The following MSRB3 variants were observed in gnomAD, a reference collection of about 807,000 sequenced individuals.
The protein encoded by MSRB3 is methionine sulfoxide reductase B3.
A neutral mutation model predicts 21.0 loss-of-function variants in MSRB3; 13 were observed. The observed-to-expected ratio is 0.62, with a 90% confidence interval of 0.40 to 0.98. MSRB3 has a LOEUF of 0.98. Ranked by LOEUF, MSRB3 falls within the 50% of genes least tolerant of loss-of-function variation. MSRB3 has a pLI of 0.00. For missense variants in MSRB3, 199 were observed against 230.3 expected (o/e 0.86, Z 0.88); for synonymous variants, 87 against 88.6 (o/e 0.98, Z 0.10).
intron 4 of MSRB3, among the ~76,000 whole-genome samples, chr12:65,337,781 G>A (rs1044683192): frequency 6.6e-6 from 1 of 152,132 alleles, no homozygotes; most frequent in Admixed American, 6.6e-5. Context: ...ATTTGACACA[G>A]TGATCCATCT....
intron 5 of MSRB3, among the ~76,000 whole-genome samples, chr12:65,384,950 T>C (rs976441398): frequency 4.6e-5 from 7 of 152,170 alleles, no homozygotes; most frequent in African/African-American, 1.7e-4. Context: ...AGTATTAATG[T>C]TGGAGTTTTG....
intron 4 of MSRB3, among the ~76,000 whole-genome samples, chr12:65,333,995 A>G (rs974069251): frequency 2.0e-5 from 3 of 152,208 alleles, no homozygotes; most frequent in African/African-American, 7.2e-5. Context: ...TGGGATTGGA[A>G]AAAGAAGGAA....
At chr12:65,421,046 C>A (rs1233975766) in intron 5 of MSRB3, among the ~76,000 whole-genome samples, 1 of 152,176 alleles carries the variant, frequency 6.6e-6, no homozygotes, top group Non-Finnish European at 1.5e-5. Flanking sequence ...TGCCACACTG[C>A]TTTCCACAAT....
At chr12:65,280,675 C>G (rs934272204) in intron 1 of MSRB3, among the ~76,000 whole-genome samples, 2 of 152,122 alleles carry the variant, frequency 1.3e-5, no homozygotes, top group African/African-American at 4.8e-5. Flanking sequence ...ATAAGTAGCT[C>G]TTTGCTACTT....
At chr12:65,428,711 A>G (rs1881729438) in intron 5 of MSRB3, among the ~76,000 whole-genome samples, 2 of 152,102 alleles carry the variant, frequency 1.3e-5, no homozygotes, top group Non-Finnish European at 1.5e-5. Flanking sequence ...TTTGCATGCA[A>G]TCAAAGGCTT....
chr12:65,357,041 A>G (rs1246912517), intron 4 of MSRB3, among the ~76,000 whole-genome samples: 1 of 151,942 alleles, frequency 6.6e-6, no homozygotes, highest in Non-Finnish European at 1.5e-5. Flanking sequence ...ACGAGAATAA[A>G]CCAGGAATAA....
At chr12:65,283,711 G>A (rs1168909294) in intron 1 of MSRB3, 1 of 152,212 alleles carries the variant, frequency 6.6e-6, no homozygotes, top group Non-Finnish European at 1.5e-5. Flanking sequence ...AGGATTACAG[G>A]CATGAGCCAC....
chr12:65,375,423 G>C (rs1027669087), intron 5 of MSRB3, among the ~76,000 whole-genome samples: 10 of 152,112 alleles, frequency 6.6e-5, no homozygotes, highest in African/African-American at 2.2e-4. Context: ...TTGAGTCCTA[G>C]AGTTTTAATA....
intron 5 of MSRB3, among the ~76,000 whole-genome samples, chr12:65,395,716 T>G (rs1315933084): frequency 6.6e-6 from 1 of 152,210 alleles, no homozygotes; most frequent in East Asian, 1.9e-4. Flanking sequence ...GATTATCTAT[T>G]TCTTCTTGTG....
chr12:65,390,256 T>C (rs891531656), intron 5 of MSRB3, among the ~76,000 whole-genome samples: 1 of 152,062 alleles, frequency 6.6e-6, no homozygotes, highest in Non-Finnish European at 1.5e-5. Flanking sequence ...AAAAAGAAAA[T>C]CAAACAAAAC....
intron 1 of MSRB3, among the ~76,000 whole-genome samples, chr12:65,295,764 T>C (rs1484779569): frequency 1.3e-5 from 2 of 152,154 alleles, no homozygotes; most frequent in East Asian, 3.9e-4. Context: ...AATTATGGAA[T>C]ATAAAATGTT....
intron 4 of MSRB3, among the ~76,000 whole-genome samples, chr12:65,353,396 A>G (rs1877163213): frequency 6.6e-6 from 1 of 152,114 alleles, no homozygotes; most frequent in African/African-American, 2.4e-5. Flanking sequence ...TTGCTTTATG[A>G]ATCTGGGTGC....
At chr12:65,317,350 A>G (rs565900844) in intron 2 of MSRB3, among the ~76,000 whole-genome samples, 85 of 152,296 alleles carry the variant, frequency 5.6e-4, no homozygotes, top group African/African-American at 2.0e-3. Flanking sequence ...TTGTGACAAG[A>G]ATGTATTATA....
intron 6 of MSRB3, among the ~76,000 whole-genome samples, chr12:65,462,250 A>C (rs1377265592): frequency 1.3e-5 from 2 of 152,160 alleles, no homozygotes; most frequent in African/African-American, 4.8e-5. Flanking sequence ...CTGATGGAAA[A>C]GGGCAGTAGA....
intron 1 of MSRB3, among the ~76,000 whole-genome samples, chr12:65,292,442 GTCA>G (rs373202589): frequency 1.2e-4 from 18 of 151,830 alleles, no homozygotes; most frequent in East Asian, 1.9e-4. Context: ...CATTGTCATC[GTCA>G]TCATCATCAT....
chr12:65,343,527 C>T (rs1876279609), intron 4 of MSRB3, among the ~76,000 whole-genome samples: 1 of 151,976 alleles, frequency 6.6e-6, no homozygotes, highest in South Asian at 2.1e-4. Context: ...AACTGTTTAT[C>T]ATGTTTGAAT....
At chr12:65,431,744 A>G (rs1293223210) in intron 5 of MSRB3, among the ~76,000 whole-genome samples, 1 of 152,042 alleles carries the variant, frequency 6.6e-6, no homozygotes, top group Non-Finnish European at 1.5e-5. Flanking sequence ...GATTATTATA[A>G]TACACACTCC....
Position 65,430,121 on chromosome 12 carries a change from G to A in MSRB3, c.293-23607G>A, listed in dbSNP as rs143740914. Among the ~76,000 whole-genome samples the A allele has an allele frequency of 9.8e-4, 149 of 152,092 alleles. 1 individual carries two copies. The highest frequency in any genetic ancestry group is 3.5e-3 in the African/African-American group (144 of 41,502). ...TGAGCACTGAAGGATGTAAGTGCTG[G>A]TTTGAAGAATCTAAAAGGCTTCAGG... On this transcript the variant is annotated intron_variant, in intron 5 of 6. Coordinates refer to ENST00000308259, the MANE Select transcript of MSRB3 (RefSeq NM_001031679.3).
intron 2 of MSRB3, among the ~76,000 whole-genome samples, chr12:65,309,627 CT>C (rs1357139776): frequency 6.6e-6 from 1 of 152,108 alleles, no homozygotes; most frequent in Non-Finnish European, 1.5e-5. Flanking sequence ...GTTCCTAGAT[CT>C]TTTCTTTAGG....
Sources: gnomAD v4.1 joint callset for allele counts (sites outside exome capture counted in the v4.1 genomes callset) on GRCh38, gnomAD v4.1.1 for gene constraint, MANE v1.5 for transcripts, NCBI Gene and HGNC (gene_info 2026-07-23, HGNC 2026-07-21) for gene names.